SLC24A2: variants seen among roughly 807,000 people sequenced by gnomAD.
The protein encoded by SLC24A2 is sodium/potassium/calcium exchanger 2.
Under a neutral mutation model 62.0 loss-of-function variants are expected in SLC24A2, and 36 were observed. The ratio of observed to expected loss-of-function variants is 0.58; its 90% CI spans 0.44 to 0.77. The LOEUF (loss-of-function observed/expected upper bound fraction) is 0.77, where lower values mean the gene tolerates loss of function less well. Among genes scored for constraint, SLC24A2 ranks in the 30% least tolerant of loss-of-function variants. The pLI, the probability that SLC24A2 is intolerant of heterozygous loss-of-function variation, is 0.00. For synonymous variants in SLC24A2, 358 were observed against 294.0 expected (o/e 1.22, Z -2.23); for missense variants, 846 against 817.9 (o/e 1.03, Z -0.42).
the SLC24A2 span, among the ~76,000 whole-genome samples, chr9:20,221,954 A>C: frequency 6.6e-6 from 1 of 152,116 alleles, no homozygotes; most frequent in Admixed American, 6.6e-5. Context: ...ACCCAGAAAA[A>C]AGAAATGAAA....
At chr9:19,747,407 C>T (rs1357781340) in intron 2 of SLC24A2, among the ~76,000 whole-genome samples, 6 of 152,118 alleles carry the variant, frequency 3.9e-5, no homozygotes, top group Non-Finnish European at 8.8e-5. Flanking sequence ...TGCTGTGTTA[C>T]ATTATGCAAG....
intron 7 of SLC24A2, among the ~76,000 whole-genome samples, chr9:19,553,527 A>G (rs1319728311): frequency 6.6e-6 from 1 of 152,254 alleles, no homozygotes; most frequent in Non-Finnish European, 1.5e-5. Flanking sequence ...AATCTTTGAT[A>G]TGAAAAATCT....
chr9:20,092,241 A>G, the SLC24A2 span, among the ~76,000 whole-genome samples: 1 of 152,224 alleles, frequency 6.6e-6, no homozygotes, highest in Admixed American at 6.5e-5. Flanking sequence ...ACCTAAAATA[A>G]AAGTTTAAAG....
chr9:19,888,482 G>A, the SLC24A2 span, among the ~76,000 whole-genome samples: 2 of 152,016 alleles, frequency 1.3e-5, no homozygotes, highest in African/African-American at 2.4e-5. Flanking sequence ...CATGTGTAAT[G>A]TGACTTCCCT....
the SLC24A2 span, among the ~76,000 whole-genome samples, chr9:20,166,719 C>T: frequency 6.6e-6 from 1 of 151,940 alleles, no homozygotes; most frequent in Admixed American, 6.6e-5. Flanking sequence ...GGATACTTCT[C>T]TGGATATACT....
the SLC24A2 span, among the ~76,000 whole-genome samples, chr9:20,202,354 C>T: frequency 6.6e-6 from 1 of 152,144 alleles, no homozygotes; most frequent in African/African-American, 2.4e-5. Flanking sequence ...TGTGAAACTC[C>T]TTCTGTGCAA....
At position 19,785,040 on chromosome 9, in the gene SLC24A2, T is replaced by C. The variant is rs547349090; in HGVS notation, c.930+897A>G. ...AGTCTATGTAGGTATTTTGGCTTTC[T>C]GTTTAAAATCACATTCAGAGATGAT... is the stretch of plus-strand genomic sequence containing the variant. On this transcript the variant is annotated intron_variant, in intron 2 of 10. Coordinates refer to ENST00000341998, the MANE Select transcript of SLC24A2 (RefSeq NM_020344.4). 2.6e-5 allele frequency among the ~76,000 whole-genome samples: 4 copies of C among 152,376 alleles called. No individual in the cohort carries two copies. In the South Asian group the frequency reaches 8.3e-4, roughly 32 times the overall value.
chr9:20,046,710 C>G, the SLC24A2 span, among the ~76,000 whole-genome samples: 1 of 152,168 alleles, frequency 6.6e-6, no homozygotes, highest in African/African-American at 2.4e-5. Context: ...GAAAGGAAAC[C>G]TACTCTGTGG....
intron 2 of SLC24A2, among the ~76,000 whole-genome samples, chr9:19,641,641 A>G (rs1013229378): frequency 2.6e-5 from 4 of 152,038 alleles, no homozygotes; most frequent in Non-Finnish European, 5.9e-5. Flanking sequence ...CAGTCTCCCA[A>G]GTAGCTGGGA....
the SLC24A2 span, among the ~76,000 whole-genome samples, chr9:20,037,653 G>A: frequency 2.0e-5 from 3 of 152,132 alleles, no homozygotes; most frequent in Non-Finnish European, 4.4e-5. Context: ...CAAGTCAGGC[G>A]CTTATGATTT....
intron 5 of SLC24A2, among the ~76,000 whole-genome samples, chr9:19,578,390 C>A (rs187606415): frequency 1.2e-3 from 169 of 145,210 alleles, no homozygotes; most frequent in African/African-American, 4.2e-3. Flanking sequence ...AGCAAAAGTG[C>A]AGAGATTAGG....
At chr9:20,096,756 T>A in the SLC24A2 span, among the ~76,000 whole-genome samples, 1 of 152,228 alleles carries the variant, frequency 6.6e-6, no homozygotes, top group Non-Finnish European at 1.5e-5. Context: ...TTCTTTTTTT[T>A]AATGTTTCTC....
At chr9:20,003,058 G>A in the SLC24A2 span, among the ~76,000 whole-genome samples, 1 of 152,174 alleles carries the variant, frequency 6.6e-6, no homozygotes, top group Non-Finnish European at 1.5e-5. Flanking sequence ...ATCTGGTTCT[G>A]CCTGCCTATT....
At chr9:19,577,125 T>A in intron 5 of SLC24A2, 103 bp from the exon 6 acceptor site, 1 of 876,632 alleles carries the variant, frequency 1.1e-6, no homozygotes, top group Non-Finnish European at 2.0e-6. Context: ...ACTAATAGCG[T>A]GACCACTCCA....
chr9:19,905,290 T>C, the SLC24A2 span, among the ~76,000 whole-genome samples: 26 of 152,308 alleles, frequency 1.7e-4, no homozygotes, highest in South Asian at 4.1e-4. Context: ...CTCCCCGGTA[T>C]TGTCCCTGTA....
intron 2 of SLC24A2, among the ~76,000 whole-genome samples, chr9:19,630,123 ATACTTAAGAGGAT>A (rs1162145695): frequency 6.6e-6 from 1 of 152,236 alleles, no homozygotes; most frequent in Non-Finnish European, 1.5e-5. Context: ...ATTTAAGAAT[ATACTTAAGAGGAT>A]TACCTGTGGC....
the SLC24A2 span, among the ~76,000 whole-genome samples, chr9:20,122,253 C>T: frequency 3.9e-5 from 6 of 152,210 alleles, no homozygotes; most frequent in African/African-American, 9.6e-5. Context: ...CTACTAAGCC[C>T]GCCCTTGTTT....
the SLC24A2 span, among the ~76,000 whole-genome samples, chr9:20,039,266 TA>T: frequency 2.0e-5 from 3 of 152,066 alleles, no homozygotes; most frequent in Non-Finnish European, 4.4e-5. Flanking sequence ...TGTGTTCTGC[TA>T]TGTCTAGAGC....
chr9:19,957,255 G>C, the SLC24A2 span: 1 of 121,848 alleles, frequency 8.2e-6, no homozygotes, highest in Admixed American at 9.5e-5. Context: ...TCTAGATCTA[G>C]CCTCAGTTTA....
Sources: allele counts gnomAD v4.1 joint callset (sites outside exome capture counted in the v4.1 genomes callset), GRCh38; gene constraint gnomAD v4.1.1; transcripts MANE v1.5; gene names NCBI Gene and HGNC (gene_info 2026-07-23, HGNC 2026-07-21).